Variants in DEPTOR observed in about 807,000 individuals in gnomAD.
DEPTOR encodes DEP domain containing MTOR interacting protein.
DEPTOR carries 41 observed loss-of-function variants against 41.6 expected under a neutral mutation model. That is an observed-to-expected ratio of 0.98 (90% CI 0.77 to 1.28). DEPTOR has a LOEUF of 1.28. Among genes scored for constraint, DEPTOR ranks in the 50% most tolerant of loss-of-function variants. DEPTOR has a pLI of 0.00. For synonymous variants in DEPTOR, 195 were observed against 192.3 expected, an observed-to-expected ratio of 1.01 and a Z score of -0.12; for missense variants, 514 against 527.9, an observed-to-expected ratio of 0.97 and a Z score of 0.26.
At chr8:120,018,489 G>C (rs529981012) in intron 8 of DEPTOR, among the ~76,000 whole-genome samples, 30 of 152,298 alleles carry the variant, frequency 2.0e-4, no homozygotes, top group African/African-American at 7.2e-4. Flanking sequence ...TGAGGCAGGA[G>C]AATTGCTTGA....
chr8:119,894,609 G>T (rs1159652823), intron 1 of DEPTOR, among the ~76,000 whole-genome samples: 2 of 151,914 alleles, frequency 1.3e-5, no homozygotes, highest in African/African-American at 2.4e-5. Flanking sequence ...TGTTAGCCAG[G>T]ATGGTCTCGA....
In DEPTOR at chr8:119,873,733, CGGAGCTGCCCCGAACAAA is replaced by C; in HGVS notation, c.-112_-95del. On this transcript the variant is annotated 5_prime_UTR_variant, in exon 1 of 9. Coordinates refer to ENST00000286234, the MANE Select transcript of DEPTOR (RefSeq NM_022783.4). ...TCTCCAGCCAATCCAGTCAGAGCAG[CGGAGCTGCCCCGAACAAA>C]GATGGCGCGGGAAGCGTCTGTGAGG... The C allele has an allele frequency of 1.4e-6, 2 of 1,451,972 alleles. No homozygotes were observed. Among genetic ancestry groups the C allele is most frequent in the Non-Finnish European group, 1.8e-6 (2 of 1,084,162 alleles). 89.9% of individuals were successfully genotyped at this position (1,451,972 alleles called of 1,614,324 possible).
chr8:119,935,500 C>A (rs1250031775), intron 3 of DEPTOR, among the ~76,000 whole-genome samples: 3 of 152,074 alleles, frequency 2.0e-5, no homozygotes, highest in East Asian at 3.9e-4. Context: ...GCGGGCAGAT[C>A]CCTTCAGGTC....
At position 119,904,734 on chromosome 8, in the gene DEPTOR, G is replaced by C. The variant is rs572249037; in HGVS notation, c.123-23666G>C. Among the ~76,000 whole-genome samples the C allele has an allele frequency of 2.0e-5, 3 of 151,876 alleles. No individual in the cohort carries two copies. The East Asian group carries it at 5.8e-4, about 30-fold the overall frequency. ...TGGTCTCGAACTCCTGACCTCAGGTGATCCACCTACCTCGGCCTCCCAAAG... is the reference window on the plus strand; with the variant it reads ...TGGTCTCGAACTCCTGACCTCAGGTCATCCACCTACCTCGGCCTCCCAAAG... On this transcript the variant is annotated intron_variant, in intron 1 of 8. Transcript: ENST00000286234.
intron 8 of DEPTOR, among the ~76,000 whole-genome samples, chr8:120,037,411 G>T (rs982663779): frequency 6.6e-6 from 1 of 152,146 alleles, no homozygotes; most frequent in Non-Finnish European, 1.5e-5. Flanking sequence ...CACATCTCCA[G>T]TTATTACAAA....
At chr8:119,901,770 C>T (rs1415146013) in intron 1 of DEPTOR, among the ~76,000 whole-genome samples, 2 of 151,738 alleles carry the variant, frequency 1.3e-5, no homozygotes, top group African/African-American at 4.8e-5. Flanking sequence ...CTTTCTGAAG[C>T]AATGGACACA....
intron 8 of DEPTOR, among the ~76,000 whole-genome samples, chr8:120,024,853 G>A (rs1812775003): frequency 1.3e-5 from 2 of 152,170 alleles, no homozygotes; most frequent in Non-Finnish European, 2.9e-5. Flanking sequence ...CTAGGAAACA[G>A]ACACAGTGGC....
At chr8:119,900,823 G>C (rs1184050156) in intron 1 of DEPTOR, among the ~76,000 whole-genome samples, 1 of 152,024 alleles carries the variant, frequency 6.6e-6, no homozygotes. Flanking sequence ...ATTTGTATGA[G>C]CTCTAATACC....
At chr8:119,980,663 A>C (rs367877961) in intron 4 of DEPTOR, among the ~76,000 whole-genome samples, 2 of 151,682 alleles carry the variant, frequency 1.3e-5, no homozygotes, top group Non-Finnish European at 2.9e-5. Flanking sequence ...GATTACAGGC[A>C]TGTGCCACCA....
Position 120,006,839 on chromosome 8 carries a change from T to C in DEPTOR, c.960T>C (p.Leu320=), listed in dbSNP as rs768245069. ...LKRPVTSEEL[L]TPGAPYARKT... ...GACCTGTCACCTCTGAGGAACTCCTTACTCCCGGGGCTCCGTATGCAAGGA... is the reference window on the plus strand; with the variant it reads ...GACCTGTCACCTCTGAGGAACTCCTCACTCCCGGGGCTCCGTATGCAAGGA... Residue 320 remains leucine, a synonymous_variant, in exon 7 of 9, where the codon CTT becomes CTC. Coordinates refer to ENST00000286234, the MANE Select transcript of DEPTOR (RefSeq NM_022783.4). 9.3e-6 allele frequency: 15 copies of C among 1,614,056 alleles called. No homozygotes were observed. In the South Asian group the frequency reaches 1.6e-4, roughly 18 times the overall value.
intron 4 of DEPTOR, among the ~76,000 whole-genome samples, chr8:119,988,241 A>C (rs1828854591): frequency 6.6e-6 from 1 of 152,150 alleles, no homozygotes; most frequent in Admixed American, 6.5e-5. Flanking sequence ...AGAGTCCCTT[A>C]GGGCTTCCGT....
chr8:119,990,304 C>T (rs1306954293), intron 4 of DEPTOR, among the ~76,000 whole-genome samples: 1 of 151,938 alleles, frequency 6.6e-6, no homozygotes, highest in Non-Finnish European at 1.5e-5. Flanking sequence ...ACTACAGGCG[C>T]CCACCACCAT....
chr8:120,016,904 T>C (rs903110460), intron 8 of DEPTOR, among the ~76,000 whole-genome samples: 3 of 152,158 alleles, frequency 2.0e-5, no homozygotes, highest in African/African-American at 7.2e-5. Context: ...TAAGCCATCA[T>C]GCCCAACCTC....
chr8:119,950,709 C>T (rs1287741602), intron 3 of DEPTOR, among the ~76,000 whole-genome samples: 1 of 152,180 alleles, frequency 6.6e-6, no homozygotes, highest in Non-Finnish European at 1.5e-5. Flanking sequence ...ATTCTCCTGC[C>T]TCAACCTCCC....
intron 1 of DEPTOR, among the ~76,000 whole-genome samples, chr8:119,896,493 T>C (rs1307780912): frequency 8.2e-6 from 1 of 121,878 alleles, no homozygotes; most frequent in African/African-American, 2.7e-5. Context: ...CTTTGTTTCT[T>C]TGTGTTTTTG....
At chr8:119,908,915 G>A (rs1827702675) in intron 1 of DEPTOR, among the ~76,000 whole-genome samples, 1 of 152,192 alleles carries the variant, frequency 6.6e-6, no homozygotes, top group Non-Finnish European at 1.5e-5. Context: ...ATGTAACTGT[G>A]ATGTAAATCA....
intron 4 of DEPTOR, among the ~76,000 whole-genome samples, chr8:119,967,089 G>GT (rs1828571855): frequency 6.6e-6 from 1 of 151,242 alleles, no homozygotes; most frequent in Non-Finnish European, 1.5e-5. Context: ...GTTTTGTTTT[G>GT]TTTTTTTGAG....
Position 119,907,908 on chromosome 8 carries a change from A to G in DEPTOR, c.123-20492A>G, listed in dbSNP as rs1275616385. On this transcript the variant is annotated intron_variant, in intron 1 of 8. Transcript: ENST00000286234. ...AGAGCTTAAACTCTCAGAATTTCCC[A>G]AGTGATAAGAGTGTCTATTGTTATA... 4.6e-5 allele frequency among the ~76,000 whole-genome samples: 7 copies of G among 152,322 alleles called. No homozygotes were observed. In the East Asian group the frequency reaches 9.6e-4, roughly 21 times the overall value.
intron 8 of DEPTOR, among the ~76,000 whole-genome samples, chr8:120,036,471 C>T (rs1006642044): frequency 6.6e-6 from 1 of 152,218 alleles, no homozygotes; most frequent in Non-Finnish European, 1.5e-5. Context: ...TCCTCCCACA[C>T]AGTCACTCCA....
Sources: allele counts gnomAD v4.1 joint callset (sites outside exome capture counted in the v4.1 genomes callset), GRCh38; gene constraint gnomAD v4.1.1; transcripts MANE v1.5; gene names NCBI Gene and HGNC (gene_info 2026-07-23, HGNC 2026-07-21).